Variants in EDA observed in about 807,000 individuals in gnomAD.
EDA encodes the protein ectodysplasin A.
A neutral mutation model predicts 23.6 loss-of-function variants in EDA; 2 were observed. That is an observed-to-expected ratio of 0.08 (90% CI 0.03 to 0.27). The LOEUF (loss-of-function observed/expected upper bound fraction) is 0.27, where lower values mean the gene tolerates loss of function less well. EDA is among the 10% of genes least tolerant of loss of function. The probability of loss-of-function intolerance (pLI) is 1.00; values close to 1 mark genes in which losing one functional copy is unlikely to be tolerated. For missense variants in EDA, 229 were observed against 324.2 expected, an observed-to-expected ratio of 0.71 and a Z score of 2.26; for synonymous variants, 131 against 132.0, an observed-to-expected ratio of 0.99 and a Z score of 0.05.
At chrX:69,886,544 T>G (rs2017832166) in intron 1 of EDA, among the ~76,000 whole-genome samples, 1 of 111,370 alleles carries the variant, frequency 9.0e-6, no homozygotes, top group South Asian at 3.8e-4. Flanking sequence ...CATGCCAAGG[T>G]ACCCACTCAG....
chrX:69,802,387 TAA>T (rs1364684438), intron 1 of EDA, among the ~76,000 whole-genome samples: 2 of 109,587 alleles, frequency 1.8e-5, no homozygotes, highest in African/African-American at 6.6e-5. Flanking sequence ...TAGAAATATA[TAA>T]AAATTATAAA....
chrX:69,833,100 G>A (rs1922912027), intron 1 of EDA, among the ~76,000 whole-genome samples: 2 of 111,580 alleles, frequency 1.8e-5, no homozygotes, highest in Non-Finnish European at 3.8e-5. Context: ...GTGAGAGAGG[G>A]CATCCCTGTC....
chrX:69,760,197 CAAAAAAAA>C (rs1162014486), intron 1 of EDA, among the ~76,000 whole-genome samples: 1 of 46,548 alleles, frequency 2.1e-5, no homozygotes, highest in Non-Finnish European at 3.6e-5. Context: ...CTCTTTTGTA[CAAAAAAAA>C]AAAAAAAAAA....
intron 1 of EDA, among the ~76,000 whole-genome samples, chrX:69,843,054 TAAAG>T: frequency 8.9e-6 from 1 of 111,818 alleles, no homozygotes; most frequent in Middle Eastern, 4.6e-3. Flanking sequence ...GATCATATAG[TAAAG>T]AAAGTGCCTT....
At chrX:69,849,676 C>G (rs2017085284) in intron 1 of EDA, among the ~76,000 whole-genome samples, 1 of 112,017 alleles carries the variant, frequency 8.9e-6, no homozygotes, top group African/African-American at 3.2e-5. Flanking sequence ...CTGTTGTTTT[C>G]TTGCTCCACT....
chrX:69,649,734 G>C (rs1432096947), intron 1 of EDA, among the ~76,000 whole-genome samples: 3 of 110,293 alleles, frequency 2.7e-5, no homozygotes, highest in African/African-American at 9.9e-5. Flanking sequence ...TTGCAGGCAT[G>C]CCCCACCAAG....
chrX:69,923,889 T>C (rs1426433763), intron 1 of EDA, among the ~76,000 whole-genome samples: 1 of 112,088 alleles, frequency 8.9e-6, no homozygotes, highest in Non-Finnish European at 1.9e-5. Flanking sequence ...TCGTATCTCA[T>C]TGTGGTTTTA....
chrX:69,793,919 G>A (rs955258793), intron 1 of EDA, among the ~76,000 whole-genome samples: 12 of 111,181 alleles, frequency 1.1e-4, no homozygotes, highest in South Asian at 3.8e-4. Context: ...TAGAAAACTC[G>A]TCTCTGGCAA....
chrX:69,978,318 TAAAAAAAAAAAAAAAAAAAA>T (rs144187734), intron 2 of EDA, among the ~76,000 whole-genome samples: 6 of 20,423 alleles, frequency 2.9e-4, no homozygotes, highest in African/African-American at 6.3e-4. Flanking sequence ...ACTCCATCTC[TAAAAAAAAAAAAAAAAAAAA>T]AAAAAAAAAA....
At chrX:69,697,203 A>G (rs1380351863) in intron 1 of EDA, among the ~76,000 whole-genome samples, 1 of 111,457 alleles carries the variant, frequency 9.0e-6, no homozygotes, top group Non-Finnish European at 1.9e-5. Flanking sequence ...TCTCCTCTAA[A>G]CAGAAAGTGT....
At chrX:69,996,038 T>A (rs2019651818) in intron 2 of EDA, among the ~76,000 whole-genome samples, 2 of 112,282 alleles carry the variant, frequency 1.8e-5, no homozygotes, top group Admixed American at 9.4e-5. Flanking sequence ...CAAGGAAAGT[T>A]ACTGACCCAG....
rs1331683125 is a variant in EDA at position 69,785,571 on chromosome X, T to C, written c.396+168867T>C. Reference sequence around the variant, plus strand: ...ATAATCATGTGGTTTTTGTCTTTGGTTCTGTTTATATGCTGGATTACATTT... The same window carrying C: ...ATAATCATGTGGTTTTTGTCTTTGGCTCTGTTTATATGCTGGATTACATTT... On this transcript the variant is annotated intron_variant, in intron 1 of 7. Coordinates refer to ENST00000374552, the MANE Select transcript of EDA (RefSeq NM_001399.5). Among the ~76,000 whole-genome samples, 5 of 111,131 alleles carry C rather than the reference T, an allele frequency of 4.5e-5. No homozygotes were observed. The East Asian group carries it at 1.4e-3, about 31-fold the overall frequency.
At chrX:69,718,128 A>C (rs1320470171) in intron 1 of EDA, among the ~76,000 whole-genome samples, 1 of 112,019 alleles carries the variant, frequency 8.9e-6, no homozygotes, top group Non-Finnish European at 1.9e-5. Flanking sequence ...ACCCAGTCTC[A>C]GGTACTTCTT....
At chrX:69,741,645 T>C (rs1000955898) in intron 1 of EDA, among the ~76,000 whole-genome samples, 1 of 112,168 alleles carries the variant, frequency 8.9e-6, no homozygotes, top group African/African-American at 3.2e-5. Flanking sequence ...CATAAATTGC[T>C]CAATCTGATC....
At chrX:69,722,400 G>T (rs1018877907) in intron 1 of EDA, among the ~76,000 whole-genome samples, 6 of 109,758 alleles carry the variant, frequency 5.5e-5, no homozygotes, top group African/African-American at 2.0e-4. Flanking sequence ...TAGAGACGGG[G>T]TTTCACCTTG....
intron 1 of EDA, among the ~76,000 whole-genome samples, chrX:69,720,044 G>T (rs2804341): frequency 0.31 from 34,048 of 110,536 alleles, 4,899 homozygotes; most frequent in Middle Eastern, 0.56. Flanking sequence ...CACCGTGCCC[G>T]GCCACCACAT....
At chrX:69,930,019 T>TCCTTTATGAAC (rs1051154932) in intron 1 of EDA, among the ~76,000 whole-genome samples, 1 of 111,273 alleles carries the variant, frequency 9.0e-6, no homozygotes, top group Non-Finnish European at 1.9e-5. Context: ...CCGTAGACTT[T>TCCTTTATGAAC]CCTTTATGAA....
chrX:69,987,651 C>T (rs993898795), intron 2 of EDA, among the ~76,000 whole-genome samples: 6 of 110,921 alleles, frequency 5.4e-5, no homozygotes, highest in Non-Finnish European at 9.4e-5. Flanking sequence ...CACTTTACAG[C>T]AGAAAACTTT....
intron 2 of EDA, among the ~76,000 whole-genome samples, chrX:69,996,779 A>C (rs750832114): frequency 6.6e-4 from 74 of 111,913 alleles, no homozygotes; most frequent in African/African-American, 2.3e-3. Context: ...GTGGGAGATA[A>C]CTGAATCATG....
Sources: allele counts gnomAD v4.1 joint callset (sites outside exome capture counted in the v4.1 genomes callset), GRCh38; gene constraint gnomAD v4.1.1; transcripts MANE v1.5; gene names NCBI Gene and HGNC (gene_info 2026-07-23, HGNC 2026-07-21).